TMEM63C: variants seen among roughly 807,000 people sequenced by gnomAD.
TMEM63C encodes the protein transmembrane protein 63C, also known as osmosensitive cation channel TMEM63C.
Under a neutral mutation model 99.2 loss-of-function variants are expected in TMEM63C, and 32 were observed. That is an observed-to-expected ratio of 0.32 (90% CI 0.24 to 0.43). TMEM63C has a LOEUF of 0.43. Ranked by LOEUF, TMEM63C falls within the 20% of genes least tolerant of loss-of-function variation. The pLI is 1.00. For synonymous variants in TMEM63C, 376 were observed against 397.9 expected (o/e 0.94, Z 0.66); for missense variants, 826 against 1,053.0 (o/e 0.78, Z 2.98).
chr14:77,253,990 G>GTA (rs1889420157), intron 23 of TMEM63C, among the ~76,000 whole-genome samples: 1 of 152,224 alleles, frequency 6.6e-6, no homozygotes, highest in Non-Finnish European at 1.5e-5. Context: ...ACTGAGGTGG[G>GTA]TACTGGGTCA....
chr14:77,251,132 G>C (rs913529413), intron 21 of TMEM63C, among the ~76,000 whole-genome samples: 1 of 152,202 alleles, frequency 6.6e-6, no homozygotes, highest in South Asian at 2.1e-4. Context: ...GACTGAACAC[G>C]TAGGTGCCTT....
In TMEM63C at chr14:77,215,614, A is replaced by AAAAGAAAAGAAAAGAAAAGAAAAG. The variant is rs1555347251; in HGVS notation, c.-14+2109_-14+2110insGAAAAGAAAAGAAAAGAAAAGAAA. Among the ~76,000 whole-genome samples, 7 of 76,548 alleles carry AAAAGAAAAGAAAAGAAAAGAAAAG rather than the reference A, an allele frequency of 9.1e-5. No homozygotes were observed. The South Asian group carries it at 1.8e-3, about 19-fold the overall frequency. 50.2% of individuals were successfully genotyped at this position (76,548 alleles called of 152,430 possible). A position where few individuals can be genotyped will look rare whatever the true frequency, so the allele number is the denominator to read the frequency against. On this transcript the variant is annotated intron_variant, in intron 2 of 23. Coordinates refer to ENST00000298351, the MANE Select transcript of TMEM63C (RefSeq NM_020431.4). ...AGACTCTGTCTCAAAAAAAAAAAAA[A>AAAAGAAAAGAAAAGAAAAGAAAAG]AAAAGAAAAGAAAAGAAAAAGAAAC...
chr14:77,215,614 A>AAAAAAGAAAAG (rs772701077), intron 2 of TMEM63C, among the ~76,000 whole-genome samples: 22,966 of 76,644 alleles, frequency 0.3, 3,957 homozygotes, highest in Admixed American at 0.39. Context: ...AAAAAAAAAA[A>AAAAAAGAAAAG]AAAAGAAAAG....
intron 1 of TMEM63C, among the ~76,000 whole-genome samples, chr14:77,198,391 C>A (rs149626177): frequency 2.8e-4 from 42 of 152,354 alleles, no homozygotes; most frequent in African/African-American, 8.9e-4. Flanking sequence ...GCATTTGAGA[C>A]CAGCCTCCTT....
intron 16 of TMEM63C, among the ~76,000 whole-genome samples, chr14:77,245,021 G>C (rs1219066633): frequency 6.6e-6 from 1 of 152,232 alleles, no homozygotes; most frequent in Non-Finnish European, 1.5e-5. Flanking sequence ...CAGTACTTTG[G>C]CTTGAAAGCT....
intron 5 of TMEM63C, 47 bp from the exon 6 acceptor site, chr14:77,225,377 C>G (rs761579198): frequency 6.2e-7 from 1 of 1,601,672 alleles, no homozygotes; most frequent in Non-Finnish European, 8.5e-7. Context: ...CTGGGCAGGG[C>G]AGGCCAGGAC....
Position 77,248,876 on chromosome 14 carries a change from A to C in TMEM63C, c.1870+4A>C. On this transcript the variant is annotated splice_donor_region_variant and intron_variant, in intron 20 of 23. Coordinates refer to ENST00000298351, the MANE Select transcript of TMEM63C (RefSeq NM_020431.4). ...TGCCCCATCATTGTGCCTTTTGGTG[A>C]GTCATCTCCAAGGCATGCCCAAGGG... 6.2e-7 allele frequency: 1 copy of C among 1,612,698 alleles called. No individual in the cohort carries two copies. Among genetic ancestry groups the C allele is most frequent in the Non-Finnish European group, 8.5e-7 (1 of 1,178,744 alleles).
intron 6 of TMEM63C, among the ~76,000 whole-genome samples, chr14:77,228,369 C>T (rs10138268): frequency 0.3 from 44,981 of 149,740 alleles, 7,626 homozygotes; most frequent in East Asian, 0.58. Flanking sequence ...GACCTTCCCC[C>T]GCTCTCCAGA....
chr14:77,213,685 T>C lies in TMEM63C; in HGVS notation c.-14+177T>C, dbSNP rs1888529411. On this transcript the variant is annotated intron_variant, in intron 2 of 23. Coordinates refer to ENST00000298351, the MANE Select transcript of TMEM63C (RefSeq NM_020431.4). ...GCCAGCTCCTTCCTCCAAGAGACCC[T>C]AGAAATGCCATTGGCTGCTACTCTG... is the stretch of plus-strand genomic sequence containing the variant. 4 of 152,236 alleles carry C rather than the reference T, an allele frequency of 2.6e-5. No homozygotes were observed. In the South Asian group the frequency reaches 8.3e-4, roughly 31 times the overall value. 9.4% of individuals were successfully genotyped at this position (152,236 alleles called of 1,614,324 possible). A position where few individuals can be genotyped will look rare whatever the true frequency, so the allele number is the denominator to read the frequency against.
At chr14:77,253,276 C>A in intron 22 of TMEM63C, 29 bp from the exon 23 acceptor site, 1 of 1,606,686 alleles carries the variant, frequency 6.2e-7, no homozygotes, top group South Asian at 1.1e-5. Context: ...AGCAGGCCTC[C>A]TGTAACCCAC....
intron 6 of TMEM63C, among the ~76,000 whole-genome samples, chr14:77,228,272 C>G (rs1452654236): frequency 6.6e-6 from 1 of 152,272 alleles, no homozygotes; most frequent in East Asian, 1.9e-4. Context: ...CTAGTGCTCT[C>G]AGTGCCATCC....
chr14:77,228,025 G>T (rs927279661), intron 6 of TMEM63C, among the ~76,000 whole-genome samples: 1 of 152,178 alleles, frequency 6.6e-6, no homozygotes, highest in Non-Finnish European at 1.5e-5. Flanking sequence ...GTGGGTGGAC[G>T]CAGGTGCATG....
intron 2 of TMEM63C, among the ~76,000 whole-genome samples, chr14:77,215,337 G>C (rs532755857): frequency 1.3e-5 from 2 of 151,966 alleles, no homozygotes; most frequent in African/African-American, 4.8e-5. Context: ...ATGGGGGCTC[G>C]CACCTGTAAT....
intron 6 of TMEM63C, among the ~76,000 whole-genome samples, chr14:77,226,176 A>G (rs1429751797): frequency 2.0e-5 from 3 of 151,974 alleles, no homozygotes; most frequent in Non-Finnish European, 2.9e-5. Context: ...CAGACCCCAC[A>G]CACTCATGGG....
chr14:77,185,922 C>A (rs975362450), intron 1 of TMEM63C, among the ~76,000 whole-genome samples: 1 of 151,984 alleles, frequency 6.6e-6, no homozygotes, highest in African/African-American at 2.4e-5. Flanking sequence ...GCCTGGTGAC[C>A]AGGAGTCCCC....
intron 19 of TMEM63C, 86 bp from the exon 20 acceptor site, chr14:77,248,681 C>A: frequency 1.3e-6 from 2 of 1,498,852 alleles, no homozygotes; most frequent in Non-Finnish European, 1.9e-6. Context: ...CAGGCCTGAG[C>A]TGCCAGGAGG....
intron 1 of TMEM63C, chr14:77,212,338 A>C (rs558261120): frequency 6.6e-6 from 1 of 152,382 alleles, no homozygotes; most frequent in East Asian, 1.9e-4. Flanking sequence ...AAGTCCAGTC[A>C]GTGGCTTCAG....
Position 77,239,439 on chromosome 14 carries a change from A to C in TMEM63C, c.753A>C (p.Thr251=). Residue 251 remains threonine, a synonymous_variant, in exon 11 of 24, where the codon ACA becomes ACC. Coordinates refer to ENST00000298351, the MANE Select transcript of TMEM63C (RefSeq NM_020431.4). Reference sequence around the variant, plus strand: ...AGGCCTATCCAGGCAGTGTCGTGACAAGAGTCCACTTCTGCTACGACGTCA... The same window carrying C: ...AGGCCTATCCAGGCAGTGTCGTGACCAGAGTCCACTTCTGCTACGACGTCA... ...FHEAYPGSVV[T]RVHFCYDVRN... 1 of 1,613,674 alleles carries C rather than the reference A, an allele frequency of 6.2e-7. No homozygotes were observed. The highest frequency in any genetic ancestry group is 8.5e-7 in the Non-Finnish European group (1 of 1,179,884).
chr14:77,229,174 C>T (rs533870636), intron 6 of TMEM63C, among the ~76,000 whole-genome samples: 2 of 152,084 alleles, frequency 1.3e-5, no homozygotes, highest in African/African-American at 2.4e-5. Context: ...GAGGCCAAAG[C>T]GGGCAGATCA....
Sources: gnomAD v4.1 joint callset for allele counts (sites outside exome capture counted in the v4.1 genomes callset) on GRCh38, gnomAD v4.1.1 for gene constraint, MANE v1.5 for transcripts, NCBI Gene and HGNC (gene_info 2026-07-23, HGNC 2026-07-21) for gene names.